Variants in PINX1 observed in about 807,000 individuals in gnomAD.
The protein encoded by PINX1 is PIN2/TERF1-interacting telomerase inhibitor 1.
In PINX1, 34 loss-of-function variants were observed where a neutral mutation model predicts 25.4. That is an observed-to-expected ratio of 1.34 (90% CI 1.02 to 1.78). PINX1 has a LOEUF of 1.78. Ranked by LOEUF, PINX1 falls within the 40% of genes most tolerant of loss-of-function variation. The pLI is 0.00. For missense variants in PINX1, 592 were observed against 404.9 expected (o/e 1.46, Z -3.97); for synonymous variants, 197 against 147.7 (o/e 1.33, Z -2.42).
rs553774017 is a variant in PINX1 at position 10,831,421 on chromosome 8, T to C, written c.301+244A>G. ...TAATATTTTATTTTATATTTTCAAA[T>C]AGCTAGAAGAACAGATTTTAAATGC... On this transcript the variant is annotated intron_variant, in intron 4 of 6. Coordinates refer to ENST00000314787, the MANE Select transcript of PINX1 (RefSeq NM_017884.6). Among the ~76,000 whole-genome samples, 4 of 152,318 alleles carry C rather than the reference T, an allele frequency of 2.6e-5. No individual in the cohort carries two copies. In the South Asian group the frequency reaches 8.3e-4, roughly 32 times the overall value.
At chr8:10,797,601 G>A (rs1237372315) in intron 6 of PINX1, among the ~76,000 whole-genome samples, 2 of 152,136 alleles carry the variant, frequency 1.3e-5, no homozygotes, top group East Asian at 1.9e-4. Context: ...ATAAAAAGAG[G>A]ACCCCTGAAT....
At chr8:10,791,544 A>G (rs1054501163) in intron 6 of PINX1, among the ~76,000 whole-genome samples, 2 of 152,228 alleles carry the variant, frequency 1.3e-5, no homozygotes, top group Non-Finnish European at 2.9e-5. Context: ...ACTGAGAATA[A>G]AGGGGACTGT....
At chr8:10,787,513 A>T (rs981702604) in intron 6 of PINX1, 2 of 203,762 alleles carry the variant, frequency 9.8e-6, no homozygotes, top group Non-Finnish European at 9.9e-6. Flanking sequence ...GGCGTGAGCT[A>T]CCATGCTTGG....
intron 6 of PINX1, among the ~76,000 whole-genome samples, chr8:10,770,679 C>A (rs887450153): frequency 3.3e-5 from 5 of 152,188 alleles, no homozygotes; most frequent in African/African-American, 1.2e-4. Flanking sequence ...TCAAAAGAAT[C>A]TTTTGGGGCA....
intron 2 of PINX1, chr8:10,833,918 T>C (rs900582566): frequency 3.2e-5 from 5 of 155,266 alleles, no homozygotes; most frequent in Non-Finnish European, 7.3e-5. Flanking sequence ...AGTTTTATAA[T>C]AGAAATGATA....
In PINX1 at chr8:10,839,630, C is replaced by A. The variant is rs537444886; in HGVS notation, c.19+108G>T. The A allele has an allele frequency of 2.0e-4, 227 of 1,149,606 alleles. 1 individual carries two copies. The African/African-American group carries it at 2.9e-3, about 15-fold the overall frequency. 71.2% of individuals were successfully genotyped at this position (1,149,606 alleles called of 1,614,324 possible). On this transcript the variant is annotated intron_variant, in intron 1 of 6. Transcript: ENST00000314787. ...GGCTCCCCGGTCCCCCGATCCCATG[C>A]GCCAGGCGCGCCGGCAACCCGAGCT...
intron 6 of PINX1, among the ~76,000 whole-genome samples, chr8:10,778,244 C>A (rs1394252101): frequency 6.6e-6 from 1 of 152,046 alleles, no homozygotes; most frequent in African/African-American, 2.4e-5. Flanking sequence ...TTGAGTATCC[C>A]TTATTTGAAA....
At chr8:10,800,618 C>G (rs1429347448) in intron 6 of PINX1, among the ~76,000 whole-genome samples, 1 of 152,006 alleles carries the variant, frequency 6.6e-6, no homozygotes, top group Non-Finnish European at 1.5e-5. Flanking sequence ...TACAGGTGCA[C>G]ACCACCACAC....
chr8:10,785,163 T>G (rs527282653), intron 6 of PINX1, among the ~76,000 whole-genome samples: 3 of 152,194 alleles, frequency 2.0e-5, no homozygotes, highest in South Asian at 4.1e-4. Context: ...ACAAAGTAGT[T>G]CCAATGGAAT....
At position 10,814,391 on chromosome 8, in the gene PINX1, T is replaced by C. The variant is rs544261164; in HGVS notation, c.471+5802A>G. On this transcript the variant is annotated intron_variant, in intron 6 of 6. Coordinates refer to ENST00000314787, the MANE Select transcript of PINX1 (RefSeq NM_017884.6). Reference sequence around the variant, plus strand: ...TGACAGCTGCTGTGTCTGGAGGAAATACGAAGCACCAATGAAGTCAGAGGA... The same window carrying C: ...TGACAGCTGCTGTGTCTGGAGGAAACACGAAGCACCAATGAAGTCAGAGGA... Among the ~76,000 whole-genome samples, 4 of 152,202 alleles carry C rather than the reference T, an allele frequency of 2.6e-5. No homozygotes were observed. In the South Asian group the frequency reaches 8.3e-4, roughly 32 times the overall value.
intron 6 of PINX1, among the ~76,000 whole-genome samples, chr8:10,809,877 G>A (rs1802573241): frequency 6.6e-6 from 1 of 152,182 alleles, no homozygotes; most frequent in African/African-American, 2.4e-5. Context: ...CGTGAGGCTG[G>A]GTAATTTATA....
chr8:10,800,378 A>G (rs1802228512), intron 6 of PINX1, among the ~76,000 whole-genome samples: 3 of 152,212 alleles, frequency 2.0e-5, no homozygotes, highest in Admixed American at 2.0e-4. Flanking sequence ...TTTTACTGAA[A>G]GAGCTGTTAT....
chr8:10,775,302 AGCATTGTTT>A (rs1156456165), intron 6 of PINX1, among the ~76,000 whole-genome samples: 1 of 152,142 alleles, frequency 6.6e-6, no homozygotes, highest in Non-Finnish European at 1.5e-5. Context: ...CTGGCAACAA[AGCATTGTTT>A]GCAGTTCTGA....
chr8:10,839,570 G>A, intron 1 of PINX1, 168 bp downstream of exon 1: 2 of 666,458 alleles, frequency 3.0e-6, no homozygotes, highest in Non-Finnish European at 5.1e-6. Context: ...CTTTCGGGGA[G>A]CTCTGCGGCG....
chr8:10,823,809 C>G (rs1033966743), intron 5 of PINX1, among the ~76,000 whole-genome samples: 2 of 152,170 alleles, frequency 1.3e-5, no homozygotes, highest in Non-Finnish European at 2.9e-5. Flanking sequence ...GCCTGGGCAA[C>G]AGAGTGAGAT....
Position 10,765,075 on chromosome 8 carries a change from T to G in PINX1, c.*326A>C. On this transcript the variant is annotated 3_prime_UTR_variant, in exon 7 of 7. Transcript: ENST00000314787. ...AGTGACACACACACACACACACAGA[T>G]GCGCACATGCACACACACGTGTGCA... 1 of 251,688 alleles carries G rather than the reference T, an allele frequency of 4.0e-6. No homozygotes were observed. Among genetic ancestry groups the G allele is most frequent in the Non-Finnish European group, 7.5e-6 (1 of 133,456 alleles). The allele number at this position is 251,688 out of a possible 1,614,324, so 15.6% of individuals were successfully genotyped here.
chr8:10,804,898 G>C (rs1373243289), intron 6 of PINX1, among the ~76,000 whole-genome samples: 1 of 151,862 alleles, frequency 6.6e-6, no homozygotes, highest in Middle Eastern at 3.4e-3. Flanking sequence ...ATTCTCATAT[G>C]AAGTGACCCT....
At chr8:10,788,782 A>G (rs939009269) in intron 6 of PINX1, among the ~76,000 whole-genome samples, 4 of 152,136 alleles carry the variant, frequency 2.6e-5, no homozygotes, top group Admixed American at 2.6e-4. Flanking sequence ...CCAAGGCAGA[A>G]AGGTGACCCC....
chr8:10,815,738 C>T (rs1797677357), intron 6 of PINX1, among the ~76,000 whole-genome samples: 1 of 152,220 alleles, frequency 6.6e-6, no homozygotes, highest in Admixed American at 6.5e-5. Context: ...CCACTTTGTA[C>T]TTACATATCA....
Sources: gnomAD v4.1 joint callset for allele counts (sites outside exome capture counted in the v4.1 genomes callset) on GRCh38, gnomAD v4.1.1 for gene constraint, MANE v1.5 for transcripts, NCBI Gene and HGNC (gene_info 2026-07-23, HGNC 2026-07-21) for gene names.